The following DEPDC5 variants were observed in gnomAD, a reference collection of about 807,000 sequenced individuals.
The protein encoded by DEPDC5 is GATOR1 complex protein DEPDC5.
A neutral mutation model predicts 217.3 loss-of-function variants in DEPDC5; 73 were observed. That is an observed-to-expected ratio of 0.34 (90% CI 0.28 to 0.41). The LOEUF (loss-of-function observed/expected upper bound fraction) is 0.41. Among genes scored for constraint, DEPDC5 ranks in the 10% least tolerant of loss-of-function variants. DEPDC5 has a pLI of 1.00. For missense variants in DEPDC5, 1,675 were observed against 2,070.1 expected (o/e 0.81, Z 3.70); for synonymous variants, 733 against 756.7 (o/e 0.97, Z 0.51).
chr22:31,853,898 T>G (rs1295232171), intron 31 of DEPDC5, among the ~76,000 whole-genome samples: 2 of 152,202 alleles, frequency 1.3e-5, no homozygotes, highest in Non-Finnish European at 2.9e-5. Flanking sequence ...TACTCAGGCC[T>G]TTCTGGGGAA....
intron 3 of DEPDC5, 117 bp from the exon 4 acceptor site, chr22:31,760,539 G>A: frequency 1.2e-6 from 1 of 848,064 alleles, no homozygotes; most frequent in South Asian, 1.7e-5. Flanking sequence ...TTCTCCCGTT[G>A]TTGTGCTGTA....
intron 32 of DEPDC5, chr22:31,858,485 G>A (rs974951813): frequency 4.6e-5 from 7 of 152,106 alleles, no homozygotes; most frequent in African/African-American, 9.7e-5. Context: ...CCCTATCACT[G>A]GGAGATGAAG....
At chr22:31,851,362 T>C (rs1436344711) in intron 31 of DEPDC5, among the ~76,000 whole-genome samples, 2 of 152,110 alleles carry the variant, frequency 1.3e-5, no homozygotes, top group East Asian at 3.9e-4. Flanking sequence ...ACTGGCATTG[T>C]AGGAAGCAAA....
chr22:31,754,885 C>T lies in DEPDC5; in HGVS notation c.-37C>T, dbSNP rs760132808. The T allele has an allele frequency of 1.1e-5, 18 of 1,612,730 alleles. 1 individual carries two copies. The highest frequency in any genetic ancestry group is 1.6e-4 in the Middle Eastern group (1 of 6,062). Reference sequence around the variant, plus strand: ...AGGGAGGCAAGATGACTTCTCTGCCCCAAGCTTGGAACAGCTAAAGGGAAA... The same window carrying T: ...AGGGAGGCAAGATGACTTCTCTGCCTCAAGCTTGGAACAGCTAAAGGGAAA... On this transcript the variant is annotated 5_prime_UTR_variant, in exon 2 of 43. Coordinates refer to ENST00000651528, the MANE Select transcript of DEPDC5 (RefSeq NM_001242896.3).
At chr22:31,848,169 C>T (rs1477684769) in intron 31 of DEPDC5, among the ~76,000 whole-genome samples, 2 of 152,198 alleles carry the variant, frequency 1.3e-5, no homozygotes, top group Non-Finnish European at 2.9e-5. Context: ...CTGCAGGGTA[C>T]CACCCCACTT....
At chr22:31,761,465 C>T (rs1175000008) in intron 4 of DEPDC5, among the ~76,000 whole-genome samples, 1 of 151,882 alleles carries the variant, frequency 6.6e-6, no homozygotes, top group East Asian at 1.9e-4. Flanking sequence ...GGACATGATT[C>T]CATTTTTTTA....
At chr22:31,877,067 C>T (rs189707843) in intron 37 of DEPDC5, among the ~76,000 whole-genome samples, 13 of 151,754 alleles carry the variant, frequency 8.6e-5, no homozygotes, top group Non-Finnish European at 1.8e-4. Context: ...CGCTTGAATC[C>T]GGGAGGCGGA....
rs574338405 is a variant in DEPDC5 at position 31,803,540 on chromosome 22, C to T, written c.1082-622C>T. Among the ~76,000 whole-genome samples, 7 of 152,190 alleles carry T rather than the reference C, an allele frequency of 4.6e-5. No individual in the cohort carries two copies. The East Asian group carries it at 7.7e-4, about 17-fold the overall frequency. ...GTCAGCCCATTTTCAGATGCACTATCAGGTCATCTAGTCCAGTCCTTCCTC... is the reference window on the plus strand; with the variant it reads ...GTCAGCCCATTTTCAGATGCACTATTAGGTCATCTAGTCCAGTCCTTCCTC... On this transcript the variant is annotated intron_variant, in intron 15 of 42. Transcript: ENST00000651528.
chr22:31,789,045 C>T (rs896545464), intron 10 of DEPDC5, among the ~76,000 whole-genome samples: 8 of 151,890 alleles, frequency 5.3e-5, no homozygotes, highest in East Asian at 1.9e-4. Context: ...TATAGGTGTG[C>T]GCCACCTTAC....
At chr22:31,897,977 C>G (rs548191971) in intron 40 of DEPDC5, among the ~76,000 whole-genome samples, 1 of 152,274 alleles carries the variant, frequency 6.6e-6, no homozygotes, top group African/African-American at 2.4e-5. Context: ...CCACGCTCTC[C>G]TTTCATATGC....
intron 34 of DEPDC5, among the ~76,000 whole-genome samples, chr22:31,871,578 T>TA (rs1437378248): frequency 7.9e-5 from 12 of 152,216 alleles, no homozygotes; most frequent in Non-Finnish European, 1.8e-4. Flanking sequence ...CTCATGCCCT[T>TA]ATACCCATCA....
chr22:31,876,626 A>C (rs2092998663), intron 37 of DEPDC5, among the ~76,000 whole-genome samples: 3 of 152,108 alleles, frequency 2.0e-5, no homozygotes, highest in Admixed American at 2.0e-4. Context: ...CATGGGCTCC[A>C]GTCTGTGATT....
chr22:31,828,663 G>A (rs571857843), intron 24 of DEPDC5, among the ~76,000 whole-genome samples: 2 of 152,048 alleles, frequency 1.3e-5, no homozygotes, highest in African/African-American at 4.8e-5. Context: ...GTTTTTAAGT[G>A]ACTTTCCTTT....
At chr22:31,785,015 A>G (rs1384894737) in intron 10 of DEPDC5, 140 bp downstream of exon 10, 2 of 642,590 alleles carry the variant, frequency 3.1e-6, no homozygotes, top group Non-Finnish European at 5.2e-6. Flanking sequence ...TTACCCTAAT[A>G]ATCTCAATTT....
intron 2 of DEPDC5, 61 bp downstream of exon 2, chr22:31,755,040 A>G: frequency 6.3e-7 from 1 of 1,581,888 alleles, no homozygotes; most frequent in Non-Finnish European, 8.7e-7. Flanking sequence ...TGTGTGCAAT[A>G]CCTAGAAATT....
At chr22:31,846,634 G>A (rs2091754162) in intron 30 of DEPDC5, among the ~76,000 whole-genome samples, 200 bp from the exon 31 acceptor site, 1 of 152,226 alleles carries the variant, frequency 6.6e-6, no homozygotes, top group Non-Finnish European at 1.5e-5. Flanking sequence ...GCAAATAAAG[G>A]GGCAGTTTAT....
chr22:31,885,724 CA>C (rs1172720967), intron 38 of DEPDC5, among the ~76,000 whole-genome samples: 1,828 of 62,292 alleles, frequency 0.029, 14 homozygotes, highest in Middle Eastern at 0.088. Flanking sequence ...GACTCCATCT[CA>C]AAAAAAAAAA....
chr22:31,893,277 A>G (rs1299051997), intron 38 of DEPDC5, among the ~76,000 whole-genome samples: 1 of 152,158 alleles, frequency 6.6e-6, no homozygotes, highest in Non-Finnish European at 1.5e-5. Context: ...CTGCTTTTAT[A>G]AAGTTTTATT....
intron 33 of DEPDC5, among the ~76,000 whole-genome samples, chr22:31,866,810 C>T (rs1207136028): frequency 6.6e-6 from 1 of 152,132 alleles, no homozygotes; most frequent in Non-Finnish European, 1.5e-5. Context: ...TACAGATACT[C>T]AAAAAGAATA....
Sources: allele counts gnomAD v4.1 joint callset (sites outside exome capture counted in the v4.1 genomes callset), GRCh38; gene constraint gnomAD v4.1.1; transcripts MANE v1.5; gene names NCBI Gene and HGNC (gene_info 2026-07-23, HGNC 2026-07-21).